PTPRD: variants seen among roughly 807,000 people sequenced by gnomAD.
PTPRD encodes protein tyrosine phosphatase receptor type D, also known as receptor-type tyrosine-protein phosphatase delta.
A neutral mutation model predicts 214.5 loss-of-function variants in PTPRD; 34 were observed. The ratio of observed to expected loss-of-function variants is 0.16; its 90% CI spans 0.12 to 0.21. The LOEUF (loss-of-function observed/expected upper bound fraction) is 0.21. Ranked by LOEUF, PTPRD falls within the 10% of genes least tolerant of loss-of-function variation. The pLI, the probability that PTPRD is intolerant of heterozygous loss-of-function variation, is 1.00. For synonymous variants in PTPRD, 1,128 were observed against 845.7 expected, an observed-to-expected ratio of 1.33 and a Z score of -5.79; for missense variants, 2,545 against 2,398.7, an observed-to-expected ratio of 1.06 and a Z score of -1.27.
chr9:8,846,725 G>T (rs1357819426), intron 11 of PTPRD, among the ~76,000 whole-genome samples: 1 of 152,176 alleles, frequency 6.6e-6, no homozygotes, highest in Non-Finnish European at 1.5e-5. Flanking sequence ...GTGTGTGTGT[G>T]TTAGGGATGG....
chr9:10,181,478 G>C (rs1564365790), intron 3 of PTPRD, among the ~76,000 whole-genome samples: 1 of 151,506 alleles, frequency 6.6e-6, no homozygotes, highest in Non-Finnish European at 1.5e-5. Flanking sequence ...TTCTAAACCT[G>C]TTTTAAGAGA....
intron 5 of PTPRD, among the ~76,000 whole-genome samples, chr9:9,861,578 C>A (rs1018840142): frequency 6.6e-6 from 1 of 152,094 alleles, no homozygotes; most frequent in African/African-American, 2.4e-5. Flanking sequence ...CGTGAGCCAC[C>A]GCACATGGCC....
intron 5 of PTPRD, among the ~76,000 whole-genome samples, chr9:9,809,216 C>G (rs989769163): frequency 2.7e-5 from 4 of 150,578 alleles, no homozygotes; most frequent in African/African-American, 4.9e-5. Context: ...ATTGTCAGTT[C>G]ATTTCAGCAG....
intron 8 of PTPRD, among the ~76,000 whole-genome samples, chr9:9,442,834 A>G (rs1473615216): frequency 2.0e-5 from 3 of 152,214 alleles, no homozygotes; most frequent in Non-Finnish European, 2.9e-5. Flanking sequence ...ATGACTATAA[A>G]GAAATAAAGG....
chr9:10,412,676 C>T (rs1460054463), intron 2 of PTPRD, among the ~76,000 whole-genome samples: 2 of 150,018 alleles, frequency 1.3e-5, no homozygotes, highest in East Asian at 2.0e-4. Context: ...CCCTTGAAGC[C>T]AATATTCTTG....
intron 11 of PTPRD, among the ~76,000 whole-genome samples, chr9:8,883,828 C>T (rs1325881681): frequency 6.6e-6 from 1 of 152,144 alleles, no homozygotes; most frequent in African/African-American, 2.4e-5. Context: ...CCTTCTGGAG[C>T]CGGTCCAGTA....
At chr9:9,673,301 C>T (rs1264845273) in intron 7 of PTPRD, among the ~76,000 whole-genome samples, 1 of 151,916 alleles carries the variant, frequency 6.6e-6, no homozygotes, top group Non-Finnish European at 1.5e-5. Context: ...ATGTCTGTTT[C>T]ATTCACCATG....
chr9:10,105,126 G>A (rs2154219137), intron 3 of PTPRD, among the ~76,000 whole-genome samples: 1 of 151,742 alleles, frequency 6.6e-6, no homozygotes, highest in Non-Finnish European at 1.5e-5. Context: ...TTTGGAATGA[G>A]GACTCTTTGA....
At chr9:9,116,688 G>T (rs895699614) in intron 10 of PTPRD, among the ~76,000 whole-genome samples, 4 of 151,624 alleles carry the variant, frequency 2.6e-5, no homozygotes, top group South Asian at 2.1e-4. Context: ...GTTTTTCTTG[G>T]GGGGGAAGGG....
chr9:8,804,760 G>T (rs1274119718), intron 11 of PTPRD, among the ~76,000 whole-genome samples: 1 of 152,026 alleles, frequency 6.6e-6, no homozygotes, highest in Non-Finnish European at 1.5e-5. Context: ...ACCTTTTAGT[G>T]TGCTGAAGAA....
At chr9:9,623,540 C>T (rs2095318944) in intron 7 of PTPRD, among the ~76,000 whole-genome samples, 1 of 152,118 alleles carries the variant, frequency 6.6e-6, no homozygotes, top group Admixed American at 6.5e-5. Flanking sequence ...TCATATTACC[C>T]CCTTTCTAGT....
At chr9:9,445,515 G>A (rs2090076262) in intron 8 of PTPRD, among the ~76,000 whole-genome samples, 2 of 152,114 alleles carry the variant, frequency 1.3e-5, no homozygotes, top group South Asian at 4.1e-4. Flanking sequence ...TCATAGTTCT[G>A]CATGGCTGGG....
chr9:8,593,460 G>A (rs2094263161), intron 14 of PTPRD, among the ~76,000 whole-genome samples: 1 of 152,150 alleles, frequency 6.6e-6, no homozygotes, highest in African/African-American at 2.4e-5. Context: ...TAAGAAACAA[G>A]TTTCCAGACC....
At chr9:10,424,590 C>T (rs1056490807) in intron 2 of PTPRD, among the ~76,000 whole-genome samples, 23 of 151,862 alleles carry the variant, frequency 1.5e-4, no homozygotes, top group African/African-American at 4.3e-4. Context: ...ACCTGTCTTA[C>T]GAAGGGCAAG....
Position 8,698,605 on chromosome 9 carries a change from T to C in PTPRD, c.64+35175A>G, listed in dbSNP as rs534257289. On this transcript the variant is annotated intron_variant, in intron 12 of 45. Transcript: ENST00000381196. ...ACAAAACAACAAAGGATACGTTTTATCTTTAAACTCAGGAAGGCTGTATGA... is the reference window on the plus strand; with the variant it reads ...ACAAAACAACAAAGGATACGTTTTACCTTTAAACTCAGGAAGGCTGTATGA... 2.0e-5 allele frequency among the ~76,000 whole-genome samples: 3 copies of C among 152,324 alleles called. No individual in the cohort carries two copies. In the South Asian group the frequency reaches 6.2e-4, roughly 32 times the overall value.
chr9:8,885,488 C>CT (rs35568734), intron 11 of PTPRD, among the ~76,000 whole-genome samples: 8,029 of 93,276 alleles, frequency 0.086, 526 homozygotes, highest in East Asian at 0.24. Context: ...CACACAGCCT[C>CT]TTTTTTTTTT....
intron 8 of PTPRD, chr9:9,442,093 C>T (rs1361115423): frequency 5.2e-5 from 8 of 152,386 alleles, no homozygotes; most frequent in Admixed American, 5.2e-4. Context: ...GTGGTCCCAG[C>T]TACTCGGGAG....
chr9:9,974,368 T>A (rs7847554), intron 4 of PTPRD, among the ~76,000 whole-genome samples: 123,005 of 152,076 alleles, frequency 0.81, 50,500 homozygotes, highest in African/African-American at 0.9. Flanking sequence ...TCCTTTGCTA[T>A]TAAGGAAACT....
chr9:9,991,676 T>G (rs2154079782), intron 4 of PTPRD, among the ~76,000 whole-genome samples: 1 of 152,268 alleles, frequency 6.6e-6, no homozygotes, highest in East Asian at 1.9e-4. Flanking sequence ...CAAAATATAC[T>G]TTTAAAACAG....
Sources: allele counts gnomAD v4.1 joint callset (sites outside exome capture counted in the v4.1 genomes callset), GRCh38; gene constraint gnomAD v4.1.1; transcripts MANE v1.5; gene names NCBI Gene and HGNC (gene_info 2026-07-23, HGNC 2026-07-21).